The following PANK3 variants were observed in gnomAD, a reference collection of about 807,000 sequenced individuals.
The protein encoded by PANK3 is hPanK3.
Under a neutral mutation model 39.4 loss-of-function variants are expected in PANK3, and 20 were observed. The ratio of observed to expected loss-of-function variants is 0.51; its 90% CI spans 0.36 to 0.74. PANK3 has a LOEUF of 0.74. Among genes scored for constraint, PANK3 ranks in the 30% least tolerant of loss-of-function variants. The probability of loss-of-function intolerance (pLI) is 0.00; values close to 1 mark genes in which losing one functional copy is unlikely to be tolerated. For synonymous variants in PANK3, 140 were observed against 157.3 expected (o/e 0.89, Z 0.82); for missense variants, 265 against 437.0 (o/e 0.61, Z 3.51).
chr5:168,569,227 C>G (rs545938526), intron 1 of PANK3, among the ~76,000 whole-genome samples: 3 of 144,240 alleles, frequency 2.1e-5, no homozygotes, highest in African/African-American at 7.7e-5. Flanking sequence ...CTCTGTTGCC[C>G]AGGCTGGAGT....
Position 168,553,163 on chromosome 5 carries a change from T to A in PANK3, c.*4408A>T, listed in dbSNP as rs140694499. On this transcript the variant is annotated 3_prime_UTR_variant, in exon 7 of 7. Coordinates refer to ENST00000239231, the MANE Select transcript of PANK3 (RefSeq NM_024594.4). ...GCTGGAAGGATGGTAAAGCCCAGTA[T>A]CACTGGGCATAGCTCTTCAGACCCC... The A allele has an allele frequency of 2.9e-4, 137 of 472,598 alleles. 1 individual carries two copies. The highest frequency in any genetic ancestry group is 4.4e-4 in the Non-Finnish European group (105 of 238,140). 29.3% of individuals were successfully genotyped at this position (472,598 alleles called of 1,614,324 possible). A position where few individuals can be genotyped will look rare whatever the true frequency, so the allele number is the denominator to read the frequency against.
chr5:168,562,211 C>G (rs1400755944), intron 4 of PANK3, among the ~76,000 whole-genome samples: 1 of 152,010 alleles, frequency 6.6e-6, no homozygotes, highest in Non-Finnish European at 1.5e-5. Context: ...AAAATCCAAA[C>G]AAAGGCTAAC....
In PANK3 at chr5:168,568,847, G is replaced by A. The variant is rs116218738; in HGVS notation, c.180C>T (p.Ser60=). 480 of 1,613,638 alleles carry A rather than the reference G, an allele frequency of 3.0e-4. 1 individual carries two copies. The African/African-American group carries it at 5.4e-3, about 18-fold the overall frequency. Residue 60 remains serine, a synonymous_variant, in exon 2 of 7, where the codon TCC becomes TCT. Transcript: ENST00000239231. The part of the protein sequence containing the change: ...KYLTSNVAYG[S]TGIRDVHLEL... ...CAAGGTGTACATCCCGAATGCCGGT[G>A]GATCCATATGCCACGTTAGAAGTCA...
intron 1 of PANK3, among the ~76,000 whole-genome samples, chr5:168,578,308 G>A (rs6898996): frequency 0.034 from 5,113 of 152,288 alleles, 257 homozygotes; most frequent in African/African-American, 0.11. Flanking sequence ...CAGGAACCCC[G>A]ATAGGCGGGC....
intron 1 of PANK3, among the ~76,000 whole-genome samples, chr5:168,570,396 AAAAG>A (rs201726977): frequency 0.012 from 1,823 of 150,798 alleles, 28 homozygotes; most frequent in African/African-American, 0.041. Context: ...AAAAAAAAAA[AAAAG>A]AAAGAAAGAA....
intron 4 of PANK3, among the ~76,000 whole-genome samples, chr5:168,562,343 G>GA (rs1368027129): frequency 1.3e-5 from 2 of 152,238 alleles, no homozygotes; most frequent in African/African-American, 2.4e-5. Context: ...GAAAAAGCCA[G>GA]AAAAAATGAG....
chr5:168,575,724 T>G (rs1396401580), intron 1 of PANK3, among the ~76,000 whole-genome samples: 3 of 151,912 alleles, frequency 2.0e-5, no homozygotes, highest in African/African-American at 4.8e-5. Flanking sequence ...ATGCCAAGGT[T>G]GCAGTGAGCT....
Position 168,558,184 on chromosome 5 carries a change from G to A in PANK3, c.1063-563C>T, listed in dbSNP as rs997793556. On this transcript the variant is annotated intron_variant, in intron 6 of 6. Coordinates refer to ENST00000239231, the MANE Select transcript of PANK3 (RefSeq NM_024594.4). ...TTTTTTTTTTTTTTTAGACAGTCTC[G>A]CTATCACCCAGGCTGGAGTGGCTGG... is the stretch of plus-strand genomic sequence containing the variant. 3.1e-5 allele frequency among the ~76,000 whole-genome samples: 4 copies of A among 131,034 alleles called. No homozygotes were observed. In the East Asian group the frequency reaches 6.8e-4, roughly 22 times the overall value. The allele number at this position is 131,034 out of a possible 152,430, so 86.0% of individuals were successfully genotyped here. A position where few individuals can be genotyped will look rare whatever the true frequency, so the allele number is the denominator to read the frequency against.
chr5:168,574,829 C>G (rs952201371), intron 1 of PANK3, among the ~76,000 whole-genome samples: 5 of 152,022 alleles, frequency 3.3e-5, no homozygotes, highest in Admixed American at 2.6e-4. Context: ...CCACTGCACT[C>G]CAGCCTGGGC....
chr5:168,560,880 C>A (rs1185598292), intron 5 of PANK3: 2 of 454,522 alleles, frequency 4.4e-6, no homozygotes, highest in South Asian at 3.4e-5. Context: ...ACTCAAATAT[C>A]ATGAAGAACA....
chr5:168,575,381 C>T (rs1759715540), intron 1 of PANK3, among the ~76,000 whole-genome samples: 1 of 152,232 alleles, frequency 6.6e-6, no homozygotes, highest in Admixed American at 6.5e-5. Flanking sequence ...TATCTAGCCA[C>T]AAGAGCAGAC....
chr5:168,575,805 G>T (rs927937620), intron 1 of PANK3, among the ~76,000 whole-genome samples: 1 of 150,294 alleles, frequency 6.7e-6, no homozygotes, highest in Non-Finnish European at 1.5e-5. Context: ...AAAATAAAAA[G>T]AAATAGGGGA....
Position 168,568,639 on chromosome 5 carries a change from T to G in PANK3, c.381+7A>C, listed in dbSNP as rs1759572726. 2 of 1,585,806 alleles carry G rather than the reference T, an allele frequency of 1.3e-6. No homozygotes were observed. Among genetic ancestry groups the G allele is most frequent in the Non-Finnish European group, 1.7e-6 (2 of 1,160,300 alleles). On this transcript the variant is annotated splice_region_variant and intron_variant, in intron 2 of 6. Transcript: ENST00000239231. ...TCAATTTTCAGTTTTGAGTAAAAGA[T>G]ACCTACTGTGCGAAAATCTTTTTCA...
intron 1 of PANK3, among the ~76,000 whole-genome samples, chr5:168,572,250 A>G (rs1368774414): frequency 6.6e-6 from 1 of 151,306 alleles, no homozygotes; most frequent in Non-Finnish European, 1.5e-5. Context: ...AGTAGCTGGG[A>G]CTACAGGTGT....
chr5:168,559,199 A>AT lies in PANK3; in HGVS notation c.937-43dup, dbSNP rs529485567. 352 of 1,250,092 alleles carry AT rather than the reference A, an allele frequency of 2.8e-4. 2 individuals carry two copies. The African/African-American group carries it at 4.8e-3, about 17-fold the overall frequency. 77.4% of individuals were successfully genotyped at this position (1,250,092 alleles called of 1,614,324 possible). A position where few individuals can be genotyped will look rare whatever the true frequency, so the allele number is the denominator to read the frequency against. ...AAGAAAAAACTTGTAAAAATAATAG[A>AT]TTTTACAATATAAAAGGTTTCTAAA... On this transcript the variant is annotated intron_variant, in intron 5 of 6. Coordinates refer to ENST00000239231, the MANE Select transcript of PANK3 (RefSeq NM_024594.4).
Position 168,553,166 on chromosome 5 carries a change from C to G in PANK3, c.*4405G>C. The G allele has an allele frequency of 2.1e-6, 1 of 472,062 alleles. No homozygotes were observed. The highest frequency in any genetic ancestry group is 4.2e-6 in the Non-Finnish European group (1 of 237,590). The allele number at this position is 472,062 out of a possible 1,614,324, so 29.2% of individuals were successfully genotyped here. Reference sequence around the variant, plus strand: ...GGAAGGATGGTAAAGCCCAGTATCACTGGGCATAGCTCTTCAGACCCCAAG... The same window carrying G: ...GGAAGGATGGTAAAGCCCAGTATCAGTGGGCATAGCTCTTCAGACCCCAAG... On this transcript the variant is annotated 3_prime_UTR_variant, in exon 7 of 7. Transcript: ENST00000239231.
chr5:168,577,532 T>G (rs1320641478), intron 1 of PANK3, among the ~76,000 whole-genome samples: 4 of 152,126 alleles, frequency 2.6e-5, no homozygotes, highest in Admixed American at 2.0e-4. Flanking sequence ...AGAGATGAGG[T>G]CTCACTATGG....
chr5:168,553,549 A>G lies in PANK3; in HGVS notation c.*4022T>C. ...GCCAGGGGGACATGAGCAAAACCTC[A>G]GAGGGAGAGTCTTCTGACCTCTCTT... On this transcript the variant is annotated 3_prime_UTR_variant, in exon 7 of 7. Coordinates refer to ENST00000239231, the MANE Select transcript of PANK3 (RefSeq NM_024594.4). 1 of 328,440 alleles carries G rather than the reference A, an allele frequency of 3.0e-6. No individual in the cohort carries two copies. The highest frequency in any genetic ancestry group is 6.0e-6 in the Non-Finnish European group (1 of 167,718). 20.3% of individuals were successfully genotyped at this position (328,440 alleles called of 1,614,324 possible).
rs1473072485 is a variant in PANK3 at position 168,553,602 on chromosome 5, T to G, written c.*3969A>C. 1.1e-5 allele frequency: 3 copies of G among 272,510 alleles called. No homozygotes were observed. The highest frequency in any genetic ancestry group is 2.2e-5 in the Non-Finnish European group (3 of 138,896). 16.9% of individuals were successfully genotyped at this position (272,510 alleles called of 1,614,324 possible). On this transcript the variant is annotated 3_prime_UTR_variant, in exon 7 of 7. Coordinates refer to ENST00000239231, the MANE Select transcript of PANK3 (RefSeq NM_024594.4). ...AAAGTGTAACTGAGAAAGTCCTGTATGACTGTCTCAGGAGCACTGATGACT... is the reference window on the plus strand; with the variant it reads ...AAAGTGTAACTGAGAAAGTCCTGTAGGACTGTCTCAGGAGCACTGATGACT...
Sources: allele counts gnomAD v4.1 joint callset (sites outside exome capture counted in the v4.1 genomes callset), GRCh38; gene constraint gnomAD v4.1.1; transcripts MANE v1.5; gene names NCBI Gene and HGNC (gene_info 2026-07-23, HGNC 2026-07-21).